The following ERICH1 variants were observed in gnomAD, a reference collection of about 807,000 sequenced individuals.
The protein encoded by ERICH1 is glutamate rich 1.
ERICH1 carries 56 observed loss-of-function variants against 39.6 expected under a neutral mutation model. The observed-to-expected ratio is 1.41, with a 90% CI of 1.14 to 1.77. ERICH1 has a LOEUF of 1.77. Ranked by LOEUF, ERICH1 falls within the 40% of genes most tolerant of loss-of-function variation. The probability of loss-of-function intolerance (pLI) is 0.00; values close to 1 mark genes in which losing one functional copy is unlikely to be tolerated. For synonymous variants in ERICH1, 313 were observed against 223.6 expected, an observed-to-expected ratio of 1.40 and a Z score of -3.57; for missense variants, 826 against 575.4, an observed-to-expected ratio of 1.44 and a Z score of -4.45.
intron 3 of ERICH1, among the ~76,000 whole-genome samples, chr8:650,054 C>T (rs1446543019): frequency 6.6e-6 from 1 of 152,248 alleles, no homozygotes; most frequent in East Asian, 1.9e-4. Context: ...CCTGCGTGTC[C>T]TGCTCTCGGC....
At chr8:631,211 G>T (rs111315747) in intron 3 of ERICH1, among the ~76,000 whole-genome samples, 1 of 152,246 alleles carries the variant, frequency 6.6e-6, no homozygotes, top group Non-Finnish European at 1.5e-5. Flanking sequence ...GGGTGCCTGC[G>T]CCATCCTCTG....
intron 1 of ERICH1, among the ~76,000 whole-genome samples, chr8:718,101 G>C (rs1563346348): frequency 6.6e-6 from 1 of 152,148 alleles, no homozygotes; most frequent in Non-Finnish European, 1.5e-5. Flanking sequence ...CCAGGGTACA[G>C]ATTGGAGTGC....
At chr8:676,639 C>G (rs1038032353) in intron 3 of ERICH1, among the ~76,000 whole-genome samples, 13 of 152,318 alleles carry the variant, frequency 8.5e-5, no homozygotes, top group East Asian at 3.9e-4. Flanking sequence ...CAAGAACAGA[C>G]GGCACATGGC....
intron 3 of ERICH1, among the ~76,000 whole-genome samples, chr8:690,526 C>A (rs1407381523): frequency 1.3e-5 from 2 of 152,244 alleles, no homozygotes; most frequent in Non-Finnish European, 2.9e-5. Flanking sequence ...AGTGCCGCTG[C>A]GGGGGCCTAG....
intron 3 of ERICH1, among the ~76,000 whole-genome samples, chr8:635,889 G>T (rs567569479): frequency 6.6e-6 from 1 of 152,290 alleles, no homozygotes; most frequent in South Asian, 2.1e-4. Context: ...TCCTTCAAAG[G>T]TTCACCCCAT....
At chr8:671,864 C>T (rs1486443288) in intron 4 of ERICH1, 1 of 169,784 alleles carries the variant, frequency 5.9e-6, no homozygotes, top group East Asian at 1.9e-4. Flanking sequence ...GCTCACTGGG[C>T]TCCAGGCTGC....
In ERICH1 at chr8:673,600, G is replaced by A. The variant is rs755450433; in HGVS notation, c.752C>T (p.Ala251Val). ...TGTCGGATCTTCCTCACTGGCGTCC[G>A]CACCCTCTTCCTGCCTGGCCCGTGT... ...DLTRARQEEG[A>V]DASEEDPTPA... The change falls in exon 4 of 6, where the codon GCG (alanine) becomes GTG (valine). Residue 251 changes from alanine to valine, a missense_variant. Coordinates refer to ENST00000262109, the MANE Select transcript of ERICH1 (RefSeq NM_207332.3). 15 of 1,546,314 alleles carry A rather than the reference G, an allele frequency of 9.7e-6. No homozygotes were observed. Among genetic ancestry groups the A allele is most frequent in the South Asian group, 4.6e-5 (4 of 87,490 alleles).
intron 3 of ERICH1, among the ~76,000 whole-genome samples, chr8:688,713 A>G (rs1808224530): frequency 6.6e-6 from 1 of 152,238 alleles, no homozygotes; most frequent in African/African-American, 2.4e-5. Flanking sequence ...AGTAACTACC[A>G]CAAACTGGAG....
At chr8:654,801 G>A (rs576140856) in intron 3 of ERICH1, among the ~76,000 whole-genome samples, 13 of 152,268 alleles carry the variant, frequency 8.5e-5, no homozygotes, top group African/African-American at 3.1e-4. Flanking sequence ...TGTCCATGGT[G>A]GCAGTGCAGG....
intron 3 of ERICH1, among the ~76,000 whole-genome samples, chr8:634,302 G>T (rs1798259175): frequency 6.6e-6 from 1 of 152,160 alleles, no homozygotes; most frequent in African/African-American, 2.4e-5. Context: ...CACCCGTTGG[G>T]ATGGCTGCTA....
chr8:633,312 T>C (rs1373881208), intron 3 of ERICH1, among the ~76,000 whole-genome samples: 1 of 152,090 alleles, frequency 6.6e-6, no homozygotes, highest in Non-Finnish European at 1.5e-5. Context: ...TAACAAAAAA[T>C]GAACACGTCC....
intron 3 of ERICH1, among the ~76,000 whole-genome samples, chr8:687,914 C>T (rs867032962): frequency 1.2e-3 from 182 of 152,212 alleles, no homozygotes; most frequent in African/African-American, 4.2e-3. Flanking sequence ...CGAGACGGCA[C>T]CCAGGTTTCC....
At chr8:703,870 G>A (rs140913123) in intron 2 of ERICH1, among the ~76,000 whole-genome samples, 23 of 152,290 alleles carry the variant, frequency 1.5e-4, no homozygotes, top group African/African-American at 5.1e-4. Flanking sequence ...AGGAGGAAAC[G>A]ATCAAGGAAA....
chr8:661,414 C>T (rs890759182), downstream of ERICH1, among the ~76,000 whole-genome samples: 15 of 152,084 alleles, frequency 9.9e-5, no homozygotes, highest in African/African-American at 3.6e-4. Context: ...GGCGGAGGTC[C>T]CAGGGTGCAA....
intron 3 of ERICH1, among the ~76,000 whole-genome samples, chr8:625,304 G>C (rs1461607915): frequency 4.6e-5 from 7 of 152,196 alleles, no homozygotes; most frequent in African/African-American, 1.4e-4. Context: ...AAAAAGGAAA[G>C]CAGTGGTTTA....
exon 4 of ERICH1, chr8:615,210 G>A (rs1049755653): frequency 4.4e-6 from 3 of 679,080 alleles, no homozygotes; most frequent in African/African-American, 1.8e-5. Flanking sequence ...GTCCAAGTCA[G>A]CACCACAGCT....
chr8:677,500 C>G (rs536965486), intron 3 of ERICH1, among the ~76,000 whole-genome samples: 1 of 152,180 alleles, frequency 6.6e-6, no homozygotes, highest in East Asian at 1.9e-4. Context: ...TCCTCACTCA[C>G]CAGTGGGTGT....
chr8:615,012 C>A, exon 4 of ERICH1: 1 of 431,286 alleles, frequency 2.3e-6, no homozygotes, highest in Non-Finnish European at 4.1e-6. Flanking sequence ...GGCACTGCCT[C>A]ATTCAAGCCA....
rs139173595 is a variant in ERICH1 at position 679,674 on chromosome 8, T to C, written c.305-5627A>G. 4.7e-3 allele frequency among the ~76,000 whole-genome samples: 722 copies of C among 152,334 alleles called. 3 individuals are homozygous for C. Among genetic ancestry groups the C allele is most frequent in the Non-Finnish European group, 8.1e-3 (548 of 68,028 alleles). ...AAATCTAAATCGGATACCGGATACC[T>C]ACAAGAACCCACAGGCAAGGTCATA... is the stretch of plus-strand genomic sequence containing the variant. On this transcript the variant is annotated intron_variant, in intron 3 of 5. Transcript: ENST00000262109.
Sources: gnomAD v4.1 joint callset for allele counts (sites outside exome capture counted in the v4.1 genomes callset) on GRCh38, gnomAD v4.1.1 for gene constraint, MANE v1.5 for transcripts, NCBI Gene and HGNC (gene_info 2026-07-23, HGNC 2026-07-21) for gene names.